SDK1: variants seen among roughly 807,000 people sequenced by gnomAD.
SDK1 encodes sidekick cell adhesion molecule 1, also known as protein sidekick-1.
SDK1 carries 157 observed loss-of-function variants against 245.5 expected under a neutral mutation model. The observed-to-expected ratio is 0.64, with a 90% confidence interval of 0.56 to 0.73. The LOEUF is 0.73. Among genes scored for constraint, SDK1 ranks in the 30% least tolerant of loss-of-function variants. The pLI is 0.00. For missense variants in SDK1, 3,583 were observed against 3,002.3 expected (o/e 1.19, Z -4.52); for synonymous variants, 1,647 against 1,278.5 (o/e 1.29, Z -6.15).
intron 1 of SDK1, among the ~76,000 whole-genome samples, chr7:3,407,440 G>T (rs1779084122): frequency 6.6e-6 from 1 of 152,162 alleles, no homozygotes; most frequent in Non-Finnish European, 1.5e-5. Flanking sequence ...TGCCTTGGTT[G>T]ACTGGTCTCA....
At chr7:4,203,775 G>A (rs17304976) in intron 35 of SDK1, among the ~76,000 whole-genome samples, 19,585 of 152,276 alleles carry the variant, frequency 0.13, 1,522 homozygotes, top group Non-Finnish European at 0.17. Flanking sequence ...AAACCGACAC[G>A]CTTTGCTCAG....
At chr7:4,231,847 G>A (rs1019729169) in intron 40 of SDK1, among the ~76,000 whole-genome samples, 1 of 152,072 alleles carries the variant, frequency 6.6e-6, no homozygotes, top group Non-Finnish European at 1.5e-5. Flanking sequence ...TGGTGATTCC[G>A]GGTGGGTGAT....
intron 1 of SDK1, among the ~76,000 whole-genome samples, chr7:3,454,940 A>G (rs980614825): frequency 6.6e-6 from 1 of 152,114 alleles, no homozygotes; most frequent in Non-Finnish European, 1.5e-5. Context: ...CCATTTTACT[A>G]TTTCACCAGT....
At chr7:4,049,579 G>A (rs1789288768) in intron 18 of SDK1, 116 bp downstream of exon 18, 1 of 756,182 alleles carries the variant, frequency 1.3e-6, no homozygotes, top group Non-Finnish European at 2.3e-6. Context: ...AAGATACAGG[G>A]CGTCTTGACC....
Position 3,959,040 on chromosome 7 carries a change from A to G in SDK1, c.1234+26A>G, listed in dbSNP as rs763118147. ...GTGAGTGCAGAGTGGCTGCTGGACA[A>G]GGAGCCATGACTGGGAGGAAGGGAA... On this transcript the variant is annotated intron_variant, in intron 8 of 44. Coordinates refer to ENST00000404826, the MANE Select transcript of SDK1 (RefSeq NM_152744.4). The G allele has an allele frequency of 6.4e-6, 10 of 1,564,552 alleles. No homozygotes were observed. In the African/African-American group the frequency reaches 1.4e-4, roughly 21 times the overall value.
At chr7:3,666,983 T>A (rs1252405033) in intron 4 of SDK1, among the ~76,000 whole-genome samples, 2 of 152,116 alleles carry the variant, frequency 1.3e-5, no homozygotes, top group Non-Finnish European at 2.9e-5. Flanking sequence ...TTTAAGGACT[T>A]GTGTTTGGTG....
At chr7:3,366,963 A>C (rs977776366) in intron 1 of SDK1, among the ~76,000 whole-genome samples, 2 of 151,958 alleles carry the variant, frequency 1.3e-5, no homozygotes, top group African/African-American at 2.4e-5. Flanking sequence ...GATGGTCTCG[A>C]TCTCCTGACC....
chr7:3,825,708 A>G (rs1008955197), intron 5 of SDK1, among the ~76,000 whole-genome samples: 1 of 152,192 alleles, frequency 6.6e-6, no homozygotes, highest in Non-Finnish European at 1.5e-5. Context: ...TTGAAAGTGG[A>G]TTCCTGAGAA....
chr7:3,799,909 TTTTC>T (rs1473330187), intron 4 of SDK1, among the ~76,000 whole-genome samples: 2 of 152,152 alleles, frequency 1.3e-5, no homozygotes, highest in Non-Finnish European at 2.9e-5. Flanking sequence ...TATTCTATGC[TTTTC>T]TTTCTTTGTC....
At chr7:3,404,241 A>G (rs950312633) in intron 1 of SDK1, among the ~76,000 whole-genome samples, 19 of 152,252 alleles carry the variant, frequency 1.2e-4, no homozygotes, top group African/African-American at 4.6e-4. Flanking sequence ...AATATCTGTG[A>G]AGCACAAGAA....
At position 3,746,904 on chromosome 7, in the gene SDK1, A is replaced by C. The variant is rs148250258; in HGVS notation, c.714-74546A>C. Among the ~76,000 whole-genome samples, 1,118 of 152,334 alleles carry C rather than the reference A, an allele frequency of 7.3e-3. 16 individuals carry two copies. Among genetic ancestry groups the C allele is most frequent in the African/African-American group, 0.025 (1,052 of 41,574 alleles). On this transcript the variant is annotated intron_variant, in intron 4 of 44. Coordinates refer to ENST00000404826, the MANE Select transcript of SDK1 (RefSeq NM_152744.4). ...CCCGAATGTTCTTGATGGCATCTAG[A>C]ATGATGAATGCTTTTCAGAAGGTTT...
intron 1 of SDK1, among the ~76,000 whole-genome samples, chr7:3,347,111 A>G (rs1780529046): frequency 6.6e-6 from 1 of 151,540 alleles, no homozygotes; most frequent in Non-Finnish European, 1.5e-5. Context: ...TGCCCATGCC[A>G]TTCCCTCTGC....
chr7:4,232,338 C>G (rs1245161067), intron 40 of SDK1, among the ~76,000 whole-genome samples: 1 of 144,774 alleles, frequency 6.9e-6, no homozygotes, highest in East Asian at 2.0e-4. Context: ...AGCCCTGATG[C>G]TATAGTGTCA....
intron 4 of SDK1, among the ~76,000 whole-genome samples, chr7:3,755,090 C>G (rs1779881792): frequency 6.6e-6 from 1 of 152,176 alleles, no homozygotes; most frequent in African/African-American, 2.4e-5. Context: ...GGGAGCCATC[C>G]TTTGCTCTTG....
intron 1 of SDK1, among the ~76,000 whole-genome samples, chr7:3,546,727 C>T (rs543413127): frequency 6.6e-6 from 1 of 152,300 alleles, no homozygotes; most frequent in South Asian, 2.1e-4. Flanking sequence ...CTTTGTGTTC[C>T]AGGATGGCTT....
intron 4 of SDK1, among the ~76,000 whole-genome samples, chr7:3,735,240 T>A (rs1334021902): frequency 6.6e-6 from 1 of 152,312 alleles, no homozygotes; most frequent in Middle Eastern, 3.4e-3. Context: ...GTTAAGTATG[T>A]TCCCATTGTT....
At chr7:3,676,816 G>C (rs780830220) in intron 4 of SDK1, among the ~76,000 whole-genome samples, 68 of 152,200 alleles carry the variant, frequency 4.5e-4, no homozygotes, top group Non-Finnish European at 9.1e-4. Context: ...TTGTTGATCA[G>C]ATGGTTGTAG....
At chr7:3,968,518 G>C (rs915613202) in intron 10 of SDK1, among the ~76,000 whole-genome samples, 1 of 152,196 alleles carries the variant, frequency 6.6e-6, no homozygotes, top group African/African-American at 2.4e-5. Context: ...GGACACTACA[G>C]ATCAATAACA....
intron 11 of SDK1, among the ~76,000 whole-genome samples, chr7:3,970,804 C>G (rs755211421): frequency 6.6e-6 from 1 of 152,200 alleles, no homozygotes; most frequent in Non-Finnish European, 1.5e-5. Context: ...TCTGGACTCA[C>G]CATTAGCAGA....
Sources: allele counts gnomAD v4.1 joint callset (sites outside exome capture counted in the v4.1 genomes callset), GRCh38; gene constraint gnomAD v4.1.1; transcripts MANE v1.5; gene names NCBI Gene and HGNC (gene_info 2026-07-23, HGNC 2026-07-21).